POLE: variants seen among roughly 807,000 people sequenced by gnomAD.
POLE encodes the protein DNA polymerase epsilon, catalytic subunit, also known as DNA polymerase epsilon catalytic subunit A.
Under a neutral mutation model 279.2 loss-of-function variants are expected in POLE, and 188 were observed. That is an observed-to-expected ratio of 0.67 (90% CI 0.60 to 0.76). The LOEUF is 0.76. Among genes scored for constraint, POLE ranks in the 30% least tolerant of loss-of-function variants. POLE has a pLI of 0.00. For synonymous variants in POLE, 1,214 were observed against 1,172.5 expected (o/e 1.04, Z -0.72); for missense variants, 2,703 against 3,016.7 (o/e 0.90, Z 2.44).
rs1593078359 is a variant in POLE at position 132,676,136 on chromosome 12, T to A, written c.978A>T (p.Pro326=). Residue 326 remains proline, a synonymous_variant, in exon 10 of 49, where the codon CCA becomes CCT. Transcript: ENST00000320574. ...DIEDFEFTPK[P]EYEGPFCVFN... is the part of the protein sequence containing the mutation. ...AGACACAAAAGGGGCCTTCATATTC[T>A]GGCTTGGGGGTGAACTCAAAATCTT... 6.2e-7 allele frequency: 1 copy of A among 1,612,642 alleles called. No homozygotes were observed. The highest frequency in any genetic ancestry group is 8.5e-7 in the Non-Finnish European group (1 of 1,179,558).
chr12:132,643,039 G>A (rs2042189861), intron 35 of POLE, 43 bp from the exon 36 acceptor site: 1 of 1,548,928 alleles, frequency 6.5e-7, no homozygotes, highest in African/African-American at 1.4e-5. Flanking sequence ...TGCGCAGGAG[G>A]AAGTGGGGGC....
intron 5 of POLE, 84 bp from the exon 6 acceptor site, chr12:132,679,735 A>AC: frequency 6.7e-7 from 1 of 1,492,016 alleles, no homozygotes; most frequent in Non-Finnish European, 9.2e-7. Context: ...AGGTAAACAC[A>AC]CAAGTCAAAG....
chr12:132,673,626 G>A lies in POLE; in HGVS notation c.1308C>T (p.Pro436=), dbSNP rs755627156. The A allele has an allele frequency of 5.6e-5, 90 of 1,613,854 alleles. No individual in the cohort carries two copies. The highest frequency in any genetic ancestry group is 7.2e-5 in the Non-Finnish European group (85 of 1,179,986). Residue 436 remains proline, a synonymous_variant, in exon 13 of 49, where the codon CCC becomes CCT. Transcript: ENST00000320574. ...AAAKAKLGYD[P]VELDPEDMCR... is the part of the protein sequence containing the mutation. Reference sequence around the variant, plus strand: ...ACATGTCCTCCGGGTCTAGCTCCACGGGATCATAGCCTAGCTTGGCCTTGG... The same window carrying A: ...ACATGTCCTCCGGGTCTAGCTCCACAGGATCATAGCCTAGCTTGGCCTTGG...
intron 26 of POLE, among the ~76,000 whole-genome samples, chr12:132,659,053 TAG>T (rs1206819767): frequency 6.6e-6 from 1 of 152,210 alleles, no homozygotes; most frequent in African/African-American, 2.4e-5. Flanking sequence ...AACTCTGGTA[TAG>T]TGTATCTCAT....
At chr12:132,674,414 C>T (rs187860688) in intron 12 of POLE, among the ~76,000 whole-genome samples, 3 of 152,134 alleles carry the variant, frequency 2.0e-5, no homozygotes, top group Non-Finnish European at 2.9e-5. Flanking sequence ...ATCTACAGTG[C>T]GAGCCCAAAC....
Position 132,642,102 on chromosome 12 carries a change from T to C in POLE, c.5173+75A>G, listed in dbSNP as rs1263763896. ...AACTCTGAGCCCATCCTCGGCACTATTGCCTTGAGAAGATGTCACAGAATG... is the reference window on the plus strand; with the variant it reads ...AACTCTGAGCCCATCCTCGGCACTACTGCCTTGAGAAGATGTCACAGAATG... On this transcript the variant is annotated intron_variant, in intron 38 of 48. Coordinates refer to ENST00000320574, the MANE Select transcript of POLE (RefSeq NM_006231.4). 23 of 1,295,518 alleles carry C rather than the reference T, an allele frequency of 1.8e-5. 1 individual carries two copies. The Middle Eastern group carries it at 8.2e-4, about 46-fold the overall frequency. 80.3% of individuals were successfully genotyped at this position (1,295,518 alleles called of 1,614,324 possible).
rs565171011 is a variant in POLE at position 132,623,783 on chromosome 12, A to T, written c.*914T>A. Reference sequence around the variant, plus strand: ...TAGAGAAACTTCAGTATGAAATACAAATAAAAACAAAGTGTAGCAGCGATG... The same window carrying T: ...TAGAGAAACTTCAGTATGAAATACATATAAAAACAAAGTGTAGCAGCGATG... On this transcript the variant is annotated 3_prime_UTR_variant, in exon 49 of 49. Coordinates refer to ENST00000320574, the MANE Select transcript of POLE (RefSeq NM_006231.4). 1 of 184,874 alleles carries T rather than the reference A, an allele frequency of 5.4e-6. No homozygotes were observed. Among genetic ancestry groups the T allele is most frequent in the African/African-American group, 2.3e-5 (1 of 42,730 alleles). The allele number at this position is 184,874 out of a possible 1,614,324, so 11.5% of individuals were successfully genotyped here.
At chr12:132,630,270 T>C (rs1350850810) in intron 45 of POLE, among the ~76,000 whole-genome samples, 1 of 152,214 alleles carries the variant, frequency 6.6e-6, no homozygotes, top group African/African-American at 2.4e-5. Context: ...AAACCTTCCA[T>C]TTATAAAAAT....
rs2043147985 is a variant in POLE, at chr12:132,680,683, T to C, written c.209A>G (p.Glu70Gly). The C allele has an allele frequency of 6.2e-7, 1 of 1,612,738 alleles. No homozygotes were observed. Among genetic ancestry groups the C allele is most frequent in the East Asian group, 2.2e-5 (1 of 44,858 alleles). The stretch of plus-strand genomic sequence containing the variant: ...TAAGCGCTTATCTTCATCTAAAATC[T>C]CGGTCTACAAGAGAATCAGTCAACA... ...TGWLINMHPT[E>G]ILDEDKRLGS... Residue 70 changes from glutamate to glycine, a missense_variant, in exon 3 of 49, where the codon GAG becomes GGG. By Grantham distance (98) the Glu-to-Gly change is moderately conservative. Transcript: ENST00000320574.
intron 1 of POLE, 115 bp downstream of exon 1, chr12:132,687,139 G>C (rs1233742898): frequency 3.6e-6 from 2 of 560,890 alleles, no homozygotes; most frequent in African/African-American, 2.0e-5. Context: ...GGCGCGGCGA[G>C]TGCGGGCGGC....
chr12:132,627,018 C>G (rs1053307255), intron 45 of POLE, among the ~76,000 whole-genome samples: 4 of 152,228 alleles, frequency 2.6e-5, no homozygotes, highest in African/African-American at 4.8e-5. Flanking sequence ...TGGTGGCTCA[C>G]GCCTGTAATC....
In POLE at chr12:132,639,023, C is replaced by G; in HGVS notation, c.5552+102G>C. The stretch of plus-strand genomic sequence containing the variant: ...GCTCCACAAACTCAGAAATACACTA[C>G]TTATCCCAGAGGCACTGGCTGGCCA... On this transcript the variant is annotated intron_variant, in intron 40 of 48. Transcript: ENST00000320574. This position sits in a 1 kb window ranked among gnomAD's most constrained non-coding sequence, Gnocchi z 4.7. The G allele has an allele frequency of 1.0e-6, 1 of 979,774 alleles. No homozygotes were observed. The highest frequency in any genetic ancestry group is 1.6e-6 in the Non-Finnish European group (1 of 626,750). The allele number at this position is 979,774 out of a possible 1,614,324, so 60.7% of individuals were successfully genotyped here.
chr12:132,634,460 C>T lies in POLE; in HGVS notation c.5812-82G>A. 1.5e-6 allele frequency: 2 copies of T among 1,375,916 alleles called. No homozygotes were observed. The highest frequency in any genetic ancestry group is 2.0e-6 in the Non-Finnish European group (2 of 989,512). 85.2% of individuals were successfully genotyped at this position (1,375,916 alleles called of 1,614,324 possible). Reference sequence around the variant, plus strand: ...TAGGATGCCACAGCGAAGGCTCCTCCAACCTGGGTCCATCTGCCCCGTTTG... The same window carrying T: ...TAGGATGCCACAGCGAAGGCTCCTCTAACCTGGGTCCATCTGCCCCGTTTG... On this transcript the variant is annotated intron_variant, in intron 42 of 48. Transcript: ENST00000320574. The surrounding 1 kb of genome is among the most constrained non-coding windows in gnomAD (Gnocchi z 4.0).
Position 132,680,668 on chromosome 12 carries a change from T to C in POLE, c.224A>G (p.Asp75Gly), listed in dbSNP as rs2043147716. Residue 75 changes from aspartate (D) to glycine (G), a missense_variant, in exon 3 of 49, where the codon GAT (aspartate) becomes GGT (glycine). By Grantham distance (94) the Asp-to-Gly change is moderately conservative (BLOSUM62 -1). This residue lies in a region of POLE where 1,011 missense variants were observed against 1,111.7 expected (regional missense o/e 0.91). Coordinates refer to ENST00000320574, the MANE Select transcript of POLE (RefSeq NM_006231.4). ...ATCCACTGCACTGCCTAAGCGCTTA[T>C]CTTCATCTAAAATCTCGGTCTACAA... ...NMHPTEILDE[D>G]KRLGSAVDYY... The C allele has an allele frequency of 6.2e-7, 1 of 1,613,782 alleles. No homozygotes were observed. The highest frequency in any genetic ancestry group is 8.5e-7 in the Non-Finnish European group (1 of 1,179,670).
intron 47 of POLE, 98 bp downstream of exon 47, chr12:132,625,547 G>T: frequency 1.4e-6 from 2 of 1,476,938 alleles, no homozygotes; most frequent in Non-Finnish European, 1.9e-6. Flanking sequence ...AGACACCAGG[G>T]CGTGCCTCAG....
chr12:132,682,369 A>C (rs1390495147), intron 1 of POLE, among the ~76,000 whole-genome samples: 1 of 151,994 alleles, frequency 6.6e-6, no homozygotes, highest in African/African-American at 2.4e-5. Context: ...CTATAATCCC[A>C]GCTACTCAGG....
At chr12:132,671,533 G>A (rs2042927505) in intron 16 of POLE, among the ~76,000 whole-genome samples, 1 of 151,368 alleles carries the variant, frequency 6.6e-6, no homozygotes, top group Non-Finnish European at 1.5e-5. Flanking sequence ...GCCAGGTGTG[G>A]TGGCGGATGC....
At chr12:132,678,346 C>A (rs573658693) in intron 6 of POLE, among the ~76,000 whole-genome samples, 1 of 151,130 alleles carries the variant, frequency 6.6e-6, no homozygotes, top group Non-Finnish European at 1.5e-5. Flanking sequence ...GCAGGAGGAT[C>A]GCTTCGGCCC....
At chr12:132,627,998 T>A (rs2041868281) in intron 45 of POLE, among the ~76,000 whole-genome samples, 1 of 152,270 alleles carries the variant, frequency 6.6e-6, no homozygotes, top group African/African-American at 2.4e-5. Context: ...ACTAAGTTTA[T>A]GGAATATTCT....
Sources: gnomAD v4.1 joint callset for allele counts (sites outside exome capture counted in the v4.1 genomes callset) on GRCh38, gnomAD v4.1.1 for gene constraint, gnomAD v4.1.1 regional missense constraint, Gnocchi (gnomAD v3.1) non-coding constraint, MANE v1.5 for transcripts, NCBI Gene and HGNC (gene_info 2026-07-23, HGNC 2026-07-21) for gene names.